The following DIP2A variants were observed in gnomAD, a reference collection of about 807,000 sequenced individuals.
DIP2A encodes the protein disco-interacting protein 2 homolog A.
A neutral mutation model predicts 177.4 loss-of-function variants in DIP2A; 85 were observed. The observed-to-expected ratio is 0.48, with a 90% CI of 0.40 to 0.57. DIP2A has a LOEUF of 0.57. DIP2A is among the 20% of genes least tolerant of loss of function. The pLI is 0.00. For synonymous variants in DIP2A, 886 were observed against 881.8 expected (o/e 1.00, Z -0.08); for missense variants, 1,791 against 2,100.2 (o/e 0.85, Z 2.88).
At position 46,554,253 on chromosome 21, in the gene DIP2A, C is replaced by T; in HGVS notation, c.3115C>T (p.Leu1039=). 6.2e-7 allele frequency: 1 copy of T among 1,613,970 alleles called. No individual in the cohort carries two copies. Among genetic ancestry groups the T allele is most frequent in the Non-Finnish European group, 8.5e-7 (1 of 1,179,866 alleles). Reference sequence around the variant, plus strand: ...CGCGGCTCTGATGGAGAAGGGAAGACTGAGTGTTGGGGACCATGTGGCTCT... The same window carrying T: ...CGCGGCTCTGATGGAGAAGGGAAGATTGAGTGTTGGGGACCATGTGGCTCT... ...VAAALMEKGR[L]SVGDHVALVY... is the part of the protein sequence containing the mutation. Residue 1039 remains leucine (L), a synonymous_variant, in exon 26 of 38, where the codon CTG becomes TTG. Transcript: ENST00000417564.
intron 1 of DIP2A, among the ~76,000 whole-genome samples, chr21:46,482,032 G>C (rs1215485122): frequency 1.3e-5 from 2 of 152,148 alleles, no homozygotes; most frequent in African/African-American, 4.8e-5. Context: ...CTGGGTGACA[G>C]AGCAAAACTC....
At position 46,497,024 on chromosome 21, in the gene DIP2A, A is replaced by G. The variant is rs1469359943; in HGVS notation, c.320A>G (p.Lys107Arg). The change falls in exon 4 of 38, where the codon AAA becomes AGA. Residue 107 changes from lysine (K) to arginine (R), a missense_variant. Transcript: ENST00000417564. ...HTEAVQAALA[K>R]YKERKMPMPS... ...GAAGCCGTGCAAGCAGCTTTGGCCA[A>G]ATACAAAGAGAGGAAGATGCCTATG... The G allele has an allele frequency of 1.9e-6, 3 of 1,613,896 alleles. No individual in the cohort carries two copies. Among genetic ancestry groups the G allele is most frequent in the African/African-American group, 1.3e-5 (1 of 75,036 alleles).
At chr21:46,479,748 G>A (rs976833711) in intron 1 of DIP2A, among the ~76,000 whole-genome samples, 17 of 152,080 alleles carry the variant, frequency 1.1e-4, no homozygotes, top group Non-Finnish European at 2.5e-4. Context: ...GCCCAAGGTG[G>A]CTTCTAACTC....
chr21:46,472,531 A>G (rs2055482453), intron 1 of DIP2A, among the ~76,000 whole-genome samples: 1 of 152,230 alleles, frequency 6.6e-6, no homozygotes, highest in African/African-American at 2.4e-5. Flanking sequence ...AAGCTGGGCC[A>G]ATAGAGGAAG....
At chr21:46,538,876 T>C in intron 16 of DIP2A, 1 of 398,134 alleles carries the variant, frequency 2.5e-6, no homozygotes, top group Non-Finnish European at 4.5e-6. Flanking sequence ...AATTACCAGA[T>C]TGTGCTGTGG....
chr21:46,537,688 G>A lies in DIP2A; in HGVS notation c.1801+149G>A, dbSNP rs550879561. 26 of 783,424 alleles carry A rather than the reference G, an allele frequency of 3.3e-5. No homozygotes were observed. The South Asian group carries it at 4.3e-4, about 13-fold the overall frequency. The allele number at this position is 783,424 out of a possible 1,614,324, so 48.5% of individuals were successfully genotyped here. A position where few individuals can be genotyped will look rare whatever the true frequency, so the allele number is the denominator to read the frequency against. Reference sequence around the variant, plus strand: ...GGACGTCTTTCTTGGTCACACCCCTGCCCAGGAATATGGGGGCTTTCTCTG... The same window carrying A: ...GGACGTCTTTCTTGGTCACACCCCTACCCAGGAATATGGGGGCTTTCTCTG... On this transcript the variant is annotated intron_variant, in intron 15 of 37. Transcript: ENST00000417564. This position sits in a 1 kb window ranked among gnomAD's most constrained non-coding sequence, Gnocchi z 4.1.
chr21:46,503,436 A>G (rs892999645), intron 5 of DIP2A, among the ~76,000 whole-genome samples: 8 of 152,052 alleles, frequency 5.3e-5, no homozygotes, highest in African/African-American at 1.9e-4. Flanking sequence ...TAGGACTGCA[A>G]AGGTTTGGTG....
chr21:46,551,407 C>T (rs373233276), intron 23 of DIP2A, among the ~76,000 whole-genome samples: 2 of 152,214 alleles, frequency 1.3e-5, no homozygotes, highest in East Asian at 1.9e-4. Context: ...CTCTGAGATG[C>T]GTCGTGTAGT....
intron 8 of DIP2A, among the ~76,000 whole-genome samples, chr21:46,525,899 TATTATTA>T (rs1245811365): frequency 1.4e-5 from 2 of 144,230 alleles, no homozygotes; most frequent in Non-Finnish European, 3.0e-5. Flanking sequence ...TTATTATTAT[TATTATTA>T]TTATTATTAT....
chr21:46,509,510 G>A lies in DIP2A; in HGVS notation c.904+134G>A, dbSNP rs1252837159. 2.7e-6 allele frequency: 3 copies of A among 1,116,880 alleles called. No individual in the cohort carries two copies. In the East Asian group the frequency reaches 9.2e-5, roughly 34 times the overall value. 69.2% of individuals were successfully genotyped at this position (1,116,880 alleles called of 1,614,324 possible). A position where few individuals can be genotyped will look rare whatever the true frequency, so the allele number is the denominator to read the frequency against. On this transcript the variant is annotated intron_variant, in intron 7 of 37. Transcript: ENST00000417564. ...TGTTTCCAGACTCAGTGGTCACTGG[G>A]TGTAATGGTGAATTTAGAATCACAT... is the stretch of plus-strand genomic sequence containing the variant.
chr21:46,500,417 T>C (rs2057586283), intron 5 of DIP2A, among the ~76,000 whole-genome samples: 1 of 152,232 alleles, frequency 6.6e-6, no homozygotes, highest in African/African-American at 2.4e-5. Flanking sequence ...AGTCCATATC[T>C]TGAAAACAGC....
chr21:46,521,157 T>A (rs1472005401), intron 8 of DIP2A, among the ~76,000 whole-genome samples: 1 of 152,184 alleles, frequency 6.6e-6, no homozygotes, highest in African/African-American at 2.4e-5. Flanking sequence ...TTCCTATAGT[T>A]TATTCAAAAG....
Position 46,556,328 on chromosome 21 carries a change from T to C in DIP2A, c.3498+237T>C, listed in dbSNP as rs1318730461. The C allele has an allele frequency of 1.4e-6, 2 of 1,467,240 alleles. No individual in the cohort carries two copies. The highest frequency in any genetic ancestry group is 1.4e-5 in the African/African-American group (1 of 71,064). 90.9% of individuals were successfully genotyped at this position (1,467,240 alleles called of 1,614,324 possible). On this transcript the variant is annotated intron_variant, in intron 29 of 37. Coordinates refer to ENST00000417564, the MANE Select transcript of DIP2A (RefSeq NM_015151.4). This position sits in a 1 kb window ranked among gnomAD's most constrained non-coding sequence, Gnocchi z 4.5. ...CTAAACTTTCTGATTTATGACTGTC[T>C]AGCTTACAGGAACTGGTGGCTTTGA...
At chr21:46,488,366 G>C (rs1477810985) in intron 2 of DIP2A, among the ~76,000 whole-genome samples, 2 of 152,190 alleles carry the variant, frequency 1.3e-5, no homozygotes, top group Non-Finnish European at 2.9e-5. Flanking sequence ...CTGGGAGCTA[G>C]AACAGAAAAG....
rs574008835 is a variant in DIP2A at position 46,506,402 on chromosome 21, G to A, written c.784+1913G>A. 5.9e-4 allele frequency among the ~76,000 whole-genome samples: 90 copies of A among 152,334 alleles called. 2 individuals are homozygous for A. The highest frequency in any genetic ancestry group is 4.8e-3 in the Admixed American group (73 of 15,298). ...TAAAGTACTGGGATTATAGGTGTGA[G>A]CCACCATACCCAGCCTATTTTAACT... On this transcript the variant is annotated intron_variant, in intron 6 of 37. Coordinates refer to ENST00000417564, the MANE Select transcript of DIP2A (RefSeq NM_015151.4).
At chr21:46,460,289 TTA>T (rs1186103166) in intron 1 of DIP2A, among the ~76,000 whole-genome samples, 2 of 152,222 alleles carry the variant, frequency 1.3e-5, no homozygotes, top group Non-Finnish European at 2.9e-5. Context: ...CATTTGGATG[TTA>T]TCCCTTTCAA....
the DIP2A span, among the ~76,000 whole-genome samples, chr21:46,579,900 TGG>T: frequency 6.6e-6 from 1 of 152,212 alleles, no homozygotes; most frequent in Non-Finnish European, 1.5e-5. Flanking sequence ...AAGTGCCATG[TGG>T]TGCCAAGAAG....
rs762141991 is a variant in DIP2A, at chr21:46,498,551, A to G, written c.404-31A>G. 6.3e-7 allele frequency: 1 copy of G among 1,580,220 alleles called. No homozygotes were observed. The highest frequency in any genetic ancestry group is 8.6e-7 in the Non-Finnish European group (1 of 1,161,902). ...CGTCCTCCTCTTGACTCATCCCGAT[A>G]TCATGCCTGTCATCGTTATTTTAAC... On this transcript the variant is annotated intron_variant, in intron 4 of 37. Coordinates refer to ENST00000417564, the MANE Select transcript of DIP2A (RefSeq NM_015151.4). The surrounding 1 kb of genome is among the most constrained non-coding windows in gnomAD (Gnocchi z 4.3).
chr21:46,545,769 C>A, intron 19 of DIP2A, 112 bp from the exon 20 acceptor site: 1 of 1,279,818 alleles, frequency 7.8e-7, no homozygotes, highest in Non-Finnish European at 1.1e-6. Context: ...TCCTTTTTCC[C>A]CCTGGCCAGC....
Sources: allele counts gnomAD v4.1 joint callset (sites outside exome capture counted in the v4.1 genomes callset), GRCh38; gene constraint gnomAD v4.1.1; non-coding constraint Gnocchi (gnomAD v3.1); transcripts MANE v1.5; gene names NCBI Gene and HGNC (gene_info 2026-07-23, HGNC 2026-07-21).